Variants in MEI1 observed in about 807,000 individuals in gnomAD.
The protein encoded by MEI1 is meiosis inhibitor protein 1.
A neutral mutation model predicts 146.2 loss-of-function variants in MEI1; 103 were observed. The observed-to-expected ratio is 0.70, with a 90% CI of 0.60 to 0.83. The LOEUF (loss-of-function observed/expected upper bound fraction) is 0.83, where lower values mean the gene tolerates loss of function less well. Ranked by LOEUF, MEI1 falls within the 40% of genes least tolerant of loss-of-function variation. MEI1 has a pLI of 0.00. For synonymous variants in MEI1, 652 were observed against 628.2 expected (o/e 1.04, Z -0.57); for missense variants, 1,529 against 1,533.0 (o/e 1.00, Z 0.04).
rs759850316 is a variant in MEI1, at chr22:41,794,414, T to C, written c.3471T>C (p.Phe1157=). 1 of 1,614,036 alleles carries C rather than the reference T, an allele frequency of 6.2e-7. No homozygotes were observed. Among genetic ancestry groups the C allele is most frequent in the East Asian group, 2.2e-5 (1 of 44,886 alleles). ...ASQPWNRFLL[F]TLLDAGENSF... ...AGCCTTGGAATCGGTTTTTGCTGTT[T>C]ACCCTCTTGGATGCTGGAGAGAATT... The change falls in exon 28 of 31, where the codon TTT becomes TTC. Residue 1157 remains phenylalanine, a synonymous_variant. Coordinates refer to ENST00000401548, the MANE Select transcript of MEI1 (RefSeq NM_152513.4).
intron 28 of MEI1, among the ~76,000 whole-genome samples, chr22:41,794,867 C>T (rs1378008832): frequency 6.6e-6 from 1 of 152,196 alleles, no homozygotes; most frequent in Non-Finnish European, 1.5e-5. Flanking sequence ...GAGATGCTAA[C>T]TGTGGGGCAC....
chr22:41,764,343 A>G (rs575443974), intron 19 of MEI1, among the ~76,000 whole-genome samples: 14 of 152,326 alleles, frequency 9.2e-5, no homozygotes, highest in Middle Eastern at 3.4e-3. Flanking sequence ...ATCCCTAATT[A>G]ATTAGTGGAT....
intron 19 of MEI1, among the ~76,000 whole-genome samples, chr22:41,765,411 G>T (rs895605438): frequency 6.6e-6 from 1 of 152,146 alleles, no homozygotes; most frequent in Non-Finnish European, 1.5e-5. Flanking sequence ...AGCGCAAGAG[G>T]TCGAGGCTGC....
Position 41,795,947 on chromosome 22 carries a change from C to T in MEI1, c.3779+100C>T, listed in dbSNP as rs2148268333. 1.9e-6 allele frequency: 3 copies of T among 1,612,040 alleles called. No individual in the cohort carries two copies. Among genetic ancestry groups the T allele is most frequent in the Middle Eastern group, 2.0e-4 (1 of 4,966 alleles). ...TTATGCGGTACCGGAGTAGCAGTGT[C>T]CTCTCTCATGAAGAGGTGGGTGATG... On this transcript the variant is annotated intron_variant, in intron 30 of 30. Coordinates refer to ENST00000401548, the MANE Select transcript of MEI1 (RefSeq NM_152513.4). This position sits in a 1 kb window ranked among gnomAD's most constrained non-coding sequence, Gnocchi z 4.2.
At chr22:41,771,004 C>A (rs1172680269) in intron 20 of MEI1, 43 bp downstream of exon 20, 37 of 1,589,960 alleles carry the variant, frequency 2.3e-5, no homozygotes, top group Non-Finnish European at 2.3e-5. Flanking sequence ...AAATCGTGGG[C>A]CTTCTCTCTC....
intron 3 of MEI1, chr22:41,709,473 C>G: frequency 1.5e-6 from 1 of 653,858 alleles, no homozygotes; most frequent in South Asian, 1.4e-5. Context: ...CACCTTCAGC[C>G]TTTGTCTTGG....
intron 19 of MEI1, chr22:41,767,471 G>GT (rs2148016880): frequency 2.3e-6 from 1 of 434,644 alleles, no homozygotes; most frequent in South Asian, 1.6e-5. Context: ...GTGTGTTAAG[G>GT]TATGTGTCTG....
chr22:41,795,805 C>A lies in MEI1; in HGVS notation c.3737C>A (p.Pro1246His), dbSNP rs2076337176. 1 of 1,613,564 alleles carries A rather than the reference C, an allele frequency of 6.2e-7. No homozygotes were observed. Among genetic ancestry groups the A allele is most frequent in the Non-Finnish European group, 8.5e-7 (1 of 1,179,766 alleles). The change falls in exon 30 of 31, where the codon CCC (proline) becomes CAC (histidine). Residue 1246 changes from proline to histidine, a missense_variant. Physicochemically the swap from Pro to His is moderately conservative, Grantham distance 77. Transcript: ENST00000401548. This position sits in a 1 kb window ranked among gnomAD's most constrained non-coding sequence, Gnocchi z 4.2. ...CTGCAGGCCTCCTTGGAGGGCCTTC[C>A]CCCTAGCACCTCCTCAGGCCAGCCA... is the stretch of plus-strand genomic sequence containing the variant. The part of the protein sequence containing the change: ...QTLQASLEGL[P>H]PSTSSGQPPL...
intron 18 of MEI1, among the ~76,000 whole-genome samples, chr22:41,760,883 G>T (rs1253354442): frequency 6.6e-6 from 1 of 152,144 alleles, no homozygotes; most frequent in Non-Finnish European, 1.5e-5. Flanking sequence ...ATTTTTAACC[G>T]CTAGGTTTAA....
chr22:41,714,426 G>T (rs548324545), intron 4 of MEI1, among the ~76,000 whole-genome samples: 1 of 152,034 alleles, frequency 6.6e-6, no homozygotes, highest in Non-Finnish European at 1.5e-5. Context: ...TCTTGTTTTG[G>T]TGGTTTTATT....
At chr22:41,719,790 A>G (rs1007908609) in intron 6 of MEI1, among the ~76,000 whole-genome samples, 2 of 152,194 alleles carry the variant, frequency 1.3e-5, no homozygotes, top group African/African-American at 4.8e-5. Context: ...CATAAGGTCT[A>G]TCAACTGTTC....
intron 2 of MEI1, among the ~76,000 whole-genome samples, chr22:41,704,396 G>T (rs73161356): frequency 2.0e-5 from 3 of 150,436 alleles, no homozygotes; most frequent in African/African-American, 4.9e-5. Flanking sequence ...TTGCTGTACC[G>T]CATTGACAAT....
intron 26 of MEI1, among the ~76,000 whole-genome samples, chr22:41,785,530 G>A (rs1370040597): frequency 6.6e-6 from 1 of 151,868 alleles, no homozygotes; most frequent in Admixed American, 6.6e-5. Flanking sequence ...CCAAAGTGCT[G>A]GGATTACAGG....
At chr22:41,714,299 T>C (rs181069690) in intron 4 of MEI1, among the ~76,000 whole-genome samples, 1 of 152,326 alleles carries the variant, frequency 6.6e-6, no homozygotes, top group East Asian at 1.9e-4. Flanking sequence ...AAATGTTACC[T>C]CCATGCAATG....
chr22:41,776,083 T>C lies in MEI1; in HGVS notation c.2545-19T>C, dbSNP rs770210729. 6.2e-7 allele frequency: 1 copy of C among 1,611,466 alleles called. No homozygotes were observed. Among genetic ancestry groups the C allele is most frequent in the South Asian group, 1.1e-5 (1 of 91,022 alleles). On this transcript the variant is annotated intron_variant, in intron 20 of 30. Transcript: ENST00000401548. ...ACTGCAGTACCCTCTGATCTCTGGC[T>C]TTCTTCTCTCCTGCTCAGGACCTCA...
In MEI1 at chr22:41,769,565, C is replaced by G. The variant is rs940483368; in HGVS notation, c.2269-1121C>G. Among the ~76,000 whole-genome samples the G allele has an allele frequency of 2.0e-5, 3 of 151,990 alleles. No individual in the cohort carries two copies. In the Middle Eastern group the frequency reaches 0.01, roughly 517 times the overall value. On this transcript the variant is annotated intron_variant, in intron 19 of 30. Coordinates refer to ENST00000401548, the MANE Select transcript of MEI1 (RefSeq NM_152513.4). The stretch of plus-strand genomic sequence containing the variant: ...TTGGCTCACCACAACCTCTGCCTCC[C>G]GGGTTCAAGTGAGTCTCCTGCCTCA...
In MEI1 at chr22:41,730,547, TC is replaced by T. The variant is rs745778270; in HGVS notation, c.1008del (p.Ser337ValfsTer12). On this transcript the variant is annotated frameshift_variant, in exon 9 of 31. Coordinates refer to ENST00000401548, the MANE Select transcript of MEI1 (RefSeq NM_152513.4). LOFTEE classifies it high-confidence loss of function. ...PEFLFEHLSSSSEVLVWSSCN... is the reference protein window; with the variant it reads ...PEFLFEHLSSXSEVLVWSSCN... ...GTTCCTCTTTGAGCATCTTTCTTCT[TC>T]CAGTGAAGTGCTCGTCTGGTCCAGC... 4.3e-6 allele frequency: 7 copies of T among 1,613,698 alleles called. No homozygotes were observed. The highest frequency in any genetic ancestry group is 5.9e-6 in the Non-Finnish European group (7 of 1,179,626).
At chr22:41,754,329 C>T (rs2073957037) in intron 17 of MEI1, among the ~76,000 whole-genome samples, 1 of 152,202 alleles carries the variant, frequency 6.6e-6, no homozygotes, top group South Asian at 2.1e-4. Flanking sequence ...TCTGCAACAT[C>T]CCCATACCAT....
chr22:41,754,018 A>G lies in MEI1; in HGVS notation c.1923A>G (p.Pro641=), dbSNP rs763689779. The G allele has an allele frequency of 8.1e-6, 13 of 1,613,514 alleles. No homozygotes were observed. The highest frequency in any genetic ancestry group is 1.0e-5 in the Non-Finnish European group (12 of 1,179,472). Residue 641 remains proline, a synonymous_variant, in exon 17 of 31, where the codon CCA becomes CCG. Transcript: ENST00000401548. ...YYMCLNLLSA[P]EKTGPPSKEE... is the part of the protein sequence containing the mutation. ...TGTGCCTCAACCTTCTCTCAGCTCC[A>G]GAGAAGACAGGACCACCTTCCAAAG... is the stretch of plus-strand genomic sequence containing the variant.
Sources: allele counts gnomAD v4.1 joint callset (sites outside exome capture counted in the v4.1 genomes callset), GRCh38; gene constraint gnomAD v4.1.1; non-coding constraint Gnocchi (gnomAD v3.1); transcripts MANE v1.5; gene names NCBI Gene and HGNC (gene_info 2026-07-23, HGNC 2026-07-21).